The following GPC5 variants were observed in gnomAD, a reference collection of about 807,000 sequenced individuals.
The protein encoded by GPC5 is glypican-5.
In GPC5, 47 loss-of-function variants were observed where a neutral mutation model predicts 53.9. The ratio of observed to expected loss-of-function variants is 0.87; its 90% confidence interval spans 0.69 to 1.11. GPC5 has a LOEUF of 1.11. Ranked by LOEUF, GPC5 falls within the 50% of genes most tolerant of loss-of-function variation. The pLI, the probability that GPC5 is intolerant of heterozygous loss-of-function variation, is 0.00. For missense variants in GPC5, 748 were observed against 713.1 expected (o/e 1.05, Z -0.56); for synonymous variants, 286 against 263.3 (o/e 1.09, Z -0.84).
chr13:91,749,931 T>A (rs1362746772), intron 4 of GPC5, among the ~76,000 whole-genome samples: 1 of 152,132 alleles, frequency 6.6e-6, no homozygotes, highest in Non-Finnish European at 1.5e-5. Flanking sequence ...CTCCTCAGCC[T>A]CCCAAGTAGC....
At chr13:92,588,538 C>T (rs1334929369) in intron 7 of GPC5, among the ~76,000 whole-genome samples, 1 of 152,206 alleles carries the variant, frequency 6.6e-6, no homozygotes, top group Non-Finnish European at 1.5e-5. Context: ...ATAGCTCTCC[C>T]TATCCAGATA....
At chr13:92,754,895 C>T (rs1274566756) in intron 7 of GPC5, among the ~76,000 whole-genome samples, 2 of 147,806 alleles carry the variant, frequency 1.4e-5, no homozygotes, top group Non-Finnish European at 1.5e-5. Context: ...ACTTTAACAC[C>T]CCACTGTCAA....
chr13:91,448,621 C>T (rs1006493428), intron 1 of GPC5, 140 bp from the exon 2 acceptor site: 2 of 738,978 alleles, frequency 2.7e-6, no homozygotes, highest in African/African-American at 3.6e-5. Flanking sequence ...AATAGATAAA[C>T]TTTCTTATAG....
intron 5 of GPC5, among the ~76,000 whole-genome samples, chr13:91,820,146 T>A (rs940524130): frequency 2.6e-5 from 4 of 152,162 alleles, no homozygotes; most frequent in Admixed American, 6.5e-5. Flanking sequence ...CCTATTTAGT[T>A]ATTTTTTAAA....
intron 4 of GPC5, 75 bp downstream of exon 4, chr13:91,728,740 C>T: frequency 8.1e-7 from 1 of 1,231,032 alleles, no homozygotes; most frequent in Non-Finnish European, 1.1e-6. Flanking sequence ...AGAACATATT[C>T]AATTAAATCG....
chr13:92,644,441 C>T (rs7335480), intron 7 of GPC5, among the ~76,000 whole-genome samples: 134,819 of 152,134 alleles, frequency 0.89, 60,352 homozygotes, highest in South Asian at 0.97. Flanking sequence ...AATCACAAGA[C>T]TGAAATCTGT....
rs66801289 is a variant in GPC5, at chr13:91,939,520, T to C, written c.1401+31463T>C. On this transcript the variant is annotated intron_variant, in intron 6 of 7. Transcript: ENST00000377067. ...TAAGCATCTCACAAATATTAACACT[T>C]GGAATTCTCTAAGTAGCTCTTGACT... 6.9e-3 allele frequency among the ~76,000 whole-genome samples: 1,049 copies of C among 152,256 alleles called. 10 individuals are homozygous for C. The highest frequency in any genetic ancestry group is 0.01 in the Middle Eastern group (3 of 294).
intron 2 of GPC5, among the ~76,000 whole-genome samples, chr13:91,505,282 C>T (rs148195413): frequency 0.019 from 2,900 of 151,758 alleles, 50 homozygotes; most frequent in Middle Eastern, 0.048. Flanking sequence ...TATGCAATAG[C>T]GAGATATATC....
chr13:91,956,611 G>A (rs2040076072), intron 6 of GPC5, among the ~76,000 whole-genome samples: 1 of 152,136 alleles, frequency 6.6e-6, no homozygotes, highest in African/African-American at 2.4e-5. Context: ...ACTGGGGCCT[G>A]GAGACTGACC....
intron 5 of GPC5, among the ~76,000 whole-genome samples, chr13:91,796,090 T>C (rs775506584): frequency 6.6e-6 from 1 of 152,074 alleles, no homozygotes; most frequent in Non-Finnish European, 1.5e-5. Flanking sequence ...TGACCTGGGG[T>C]ACTTGGCCTC....
chr13:91,992,884 A>C (rs556532548), intron 6 of GPC5, among the ~76,000 whole-genome samples: 4 of 152,326 alleles, frequency 2.6e-5, no homozygotes, highest in Admixed American at 2.6e-4. Context: ...TTGTAGTTCT[A>C]GGGAACTGTT....
chr13:91,820,718 C>T (rs2038478987), intron 5 of GPC5, among the ~76,000 whole-genome samples: 1 of 152,092 alleles, frequency 6.6e-6, no homozygotes, highest in Middle Eastern at 3.2e-3. Flanking sequence ...AATCCCAGCA[C>T]TTTGGGAGGC....
At chr13:92,008,582 T>A (rs982911329) in intron 6 of GPC5, among the ~76,000 whole-genome samples, 3 of 152,108 alleles carry the variant, frequency 2.0e-5, no homozygotes, top group East Asian at 3.9e-4. Flanking sequence ...AAAGTTTAGC[T>A]GGATATAGAA....
intron 2 of GPC5, among the ~76,000 whole-genome samples, chr13:91,499,983 T>C (rs957027777): frequency 1.1e-4 from 17 of 152,206 alleles, no homozygotes; most frequent in African/African-American, 4.1e-4. Flanking sequence ...TTTTTGTGTT[T>C]CATTTGTGCT....
At chr13:92,248,769 C>T (rs1418937364) in intron 7 of GPC5, among the ~76,000 whole-genome samples, 3 of 152,048 alleles carry the variant, frequency 2.0e-5, no homozygotes, top group African/African-American at 2.4e-5. Flanking sequence ...GATGGGGATT[C>T]GATCAGGAAA....
At chr13:92,173,786 A>G (rs2042087692) in intron 7 of GPC5, among the ~76,000 whole-genome samples, 1 of 152,150 alleles carries the variant, frequency 6.6e-6, no homozygotes, top group Non-Finnish European at 1.5e-5. Flanking sequence ...GAGCCAACAA[A>G]TATTTGCAGA....
At chr13:91,830,168 C>A (rs1326194907) in intron 5 of GPC5, among the ~76,000 whole-genome samples, 5 of 152,056 alleles carry the variant, frequency 3.3e-5, no homozygotes, top group African/African-American at 1.2e-4. Flanking sequence ...GACCTACCCC[C>A]AGGCACGTAT....
intron 6 of GPC5, among the ~76,000 whole-genome samples, chr13:92,099,497 C>G (rs6492583): frequency 0.54 from 81,482 of 151,948 alleles, 22,235 homozygotes; most frequent in East Asian, 0.79. Context: ...AATGTCCAAT[C>G]TTTCCCAAGA....
At chr13:91,626,860 C>T (rs577479223) in intron 2 of GPC5, among the ~76,000 whole-genome samples, 1 of 152,086 alleles carries the variant, frequency 6.6e-6, no homozygotes, top group Admixed American at 6.6e-5. Context: ...TGATGTTCCC[C>T]TTCCTGTGTC....
Sources: allele counts gnomAD v4.1 joint callset (sites outside exome capture counted in the v4.1 genomes callset), GRCh38; gene constraint gnomAD v4.1.1; transcripts MANE v1.5; gene names NCBI Gene and HGNC (gene_info 2026-07-23, HGNC 2026-07-21).